The following CLCN1 variants were observed in gnomAD, a reference collection of about 807,000 sequenced individuals.
CLCN1 encodes the protein chloride channel protein 1.
Under a neutral mutation model 114.5 loss-of-function variants are expected in CLCN1, and 100 were observed. The observed-to-expected ratio is 0.87, with a 90% CI of 0.74 to 1.03. CLCN1 has a LOEUF of 1.03. CLCN1 is among the 50% of genes least tolerant of loss of function. CLCN1 has a pLI of 0.00. For missense variants in CLCN1, 1,188 were observed against 1,250.0 expected, an observed-to-expected ratio of 0.95 and a Z score of 0.75; for synonymous variants, 485 against 487.1, an observed-to-expected ratio of 1.00 and a Z score of 0.06.
At chr7:143,317,317 T>C (rs1802314867) in intron 1 of CLCN1, among the ~76,000 whole-genome samples, 1 of 150,782 alleles carries the variant, frequency 6.6e-6, no homozygotes, top group African/African-American at 2.4e-5. Context: ...GGTGCTATCT[T>C]GGCTCACTGC....
Position 143,332,762 on chromosome 7 carries a change from C to A in CLCN1, c.1290C>A (p.Asn430Lys). ...AAGCCATCAGTACTTTGTTTGACAA[C>A]AATACATGGGTGAAACACGCGGGTG... is the stretch of plus-strand genomic sequence containing the variant. ...PREAISTLFD[N>K]NTWVKHAGDP... Residue 430 changes from asparagine (N) to lysine (K), a missense_variant, in exon 12 of 23, where the codon AAC becomes AAA. By Grantham distance (94) the Asn-to-Lys change is moderately conservative (BLOSUM62 0). Transcript: ENST00000343257. 1 of 1,614,224 alleles carries A rather than the reference C, an allele frequency of 6.2e-7. No individual in the cohort carries two copies. Among genetic ancestry groups the A allele is most frequent in the Non-Finnish European group, 8.5e-7 (1 of 1,180,034 alleles).
chr7:143,342,225 G>A (rs780674143), intron 15 of CLCN1, 83 bp downstream of exon 15: 75 of 1,511,292 alleles, frequency 5.0e-5, no homozygotes, highest in Non-Finnish European at 6.8e-5. Flanking sequence ...TAGAGTTAAA[G>A]TTTGGAAACA....
chr7:143,341,967 T>C lies in CLCN1; in HGVS notation c.1621T>C (p.Ser541Pro). The change falls in exon 15 of 23, where the codon TCC becomes CCC. Residue 541 changes from serine to proline, a missense_variant. By Grantham distance (74) the Ser-to-Pro change is moderately conservative. Transcript: ENST00000343257. ...ALTGAVSHTV[S>P]TAVICFELTG... ...GACTGGTGCCGTTTCCCACACAGTCTCCACAGCTGTGATTTGCTTCGAATT... is the reference window on the plus strand; with the variant it reads ...GACTGGTGCCGTTTCCCACACAGTCCCCACAGCTGTGATTTGCTTCGAATT... 1 of 1,614,094 alleles carries C rather than the reference T, an allele frequency of 6.2e-7. No individual in the cohort carries two copies. Among genetic ancestry groups the C allele is most frequent in the African/African-American group, 1.3e-5 (1 of 75,060 alleles).
At chr7:143,347,620 CAAAA>C (rs57147641) in intron 20 of CLCN1, among the ~76,000 whole-genome samples, 6 of 94,948 alleles carry the variant, frequency 6.3e-5, no homozygotes, top group South Asian at 4.1e-4. Flanking sequence ...GACTTTGCCT[CAAAA>C]AAAAAAAAAA....
chr7:143,346,506 A>T, intron 18 of CLCN1, 73 bp from the exon 19 acceptor site: 2 of 1,097,700 alleles, frequency 1.8e-6, no homozygotes, highest in African/African-American at 1.5e-5. Context: ...GGCAAATGTT[A>T]GGCACTGGGT....
chr7:143,343,576 C>A (rs903842553), intron 16 of CLCN1, among the ~76,000 whole-genome samples: 1 of 152,206 alleles, frequency 6.6e-6, no homozygotes, highest in Non-Finnish European at 1.5e-5. Flanking sequence ...AATAGGGAAT[C>A]CATGAATAAT....
intron 20 of CLCN1, among the ~76,000 whole-genome samples, chr7:143,348,376 A>G (rs1386562907): frequency 6.6e-6 from 1 of 152,128 alleles, no homozygotes; most frequent in East Asian, 1.9e-4. Context: ...CTTTTTTTTA[A>G]TTTAATGCAC....
At chr7:143,331,688 C>G (rs1339721020) in intron 10 of CLCN1, 36 bp downstream of exon 10, 7 of 1,443,836 alleles carry the variant, frequency 4.8e-6, no homozygotes, top group Non-Finnish European at 6.8e-6. Context: ...TACCCATTTA[C>G]TTTCTGGTTT....
At position 143,316,234 on chromosome 7, in the gene CLCN1, C is replaced by G; in HGVS notation, c.22C>G (p.Gln8Glu). 6.2e-7 allele frequency: 1 copy of G among 1,613,462 alleles called. No individual in the cohort carries two copies. Among genetic ancestry groups the G allele is most frequent in the Non-Finnish European group, 8.5e-7 (1 of 1,179,650 alleles). The change falls in exon 1 of 23, where the codon CAG (glutamine) becomes GAG (glutamate). Residue 8 changes from glutamine to glutamate, a missense_variant. Gln to Glu is a conservative substitution (Grantham distance 29). Coordinates refer to ENST00000343257, the MANE Select transcript of CLCN1 (RefSeq NM_000083.3). MEQSRSQ[Q>E]RGGEQSWWGS... ...GAATATGGAGCAATCCCGGTCACAG[C>G]AGCGTGGGGGTGAACAAAGCTGGTG... is the stretch of plus-strand genomic sequence containing the variant.
intron 7 of CLCN1, among the ~76,000 whole-genome samples, chr7:143,329,632 G>A (rs540704485): frequency 2.6e-5 from 4 of 152,290 alleles, no homozygotes; most frequent in Non-Finnish European, 4.4e-5. Context: ...ACTAGGATGC[G>A]AGGTGCTGCC....
At chr7:143,347,785 T>C (rs1803296402) in intron 20 of CLCN1, among the ~76,000 whole-genome samples, 1 of 152,118 alleles carries the variant, frequency 6.6e-6, no homozygotes, top group African/African-American at 2.4e-5. Flanking sequence ...CGGTGCCTCC[T>C]GGGGACAAAC....
intron 7 of CLCN1, among the ~76,000 whole-genome samples, chr7:143,328,623 A>G (rs1272169732): frequency 6.6e-6 from 1 of 152,214 alleles, no homozygotes; most frequent in Non-Finnish European, 1.5e-5. Flanking sequence ...GTTTACACCC[A>G]GGCAAATCAA....
intron 7 of CLCN1, among the ~76,000 whole-genome samples, chr7:143,328,331 A>T (rs2116848565): frequency 6.6e-6 from 1 of 152,272 alleles, no homozygotes; most frequent in East Asian, 1.9e-4. Context: ...GGGCAGAGGG[A>T]CAGGAGCAGC....
At chr7:143,318,669 G>A (rs1048927516) in intron 1 of CLCN1, among the ~76,000 whole-genome samples, 2 of 152,204 alleles carry the variant, frequency 1.3e-5, no homozygotes, top group African/African-American at 4.8e-5. Flanking sequence ...CCCAGCCCAG[G>A]TATGATGATA....
In CLCN1 at chr7:143,346,676, TG is replaced by T. The variant is rs1803258381; in HGVS notation, c.2364+22del. The T allele has an allele frequency of 6.2e-7, 1 of 1,601,606 alleles. No individual in the cohort carries two copies. The highest frequency in any genetic ancestry group is 8.5e-7 in the Non-Finnish European group (1 of 1,169,674). On this transcript the variant is annotated intron_variant, in intron 19 of 22. Transcript: ENST00000343257. ...CAACCCAGGTGAGAGGAGATGTGTT[TG>T]GGGATACAGGGGAAAGGGAGCCTGC...
intron 12 of CLCN1, among the ~76,000 whole-genome samples, chr7:143,338,718 C>T (rs992907510): frequency 6.9e-5 from 10 of 143,886 alleles, no homozygotes; most frequent in African/African-American, 1.6e-4. Context: ...ACTTCAGAGG[C>T]GGAGGTTGCA....
At chr7:143,326,132 TCA>T (rs1802569221) in intron 7 of CLCN1, among the ~76,000 whole-genome samples, 1 of 152,100 alleles carries the variant, frequency 6.6e-6, no homozygotes, top group Admixed American at 6.5e-5. Flanking sequence ...TTCTCATGCC[TCA>T]GTCTCCCAAG....
At chr7:143,351,309 T>TG (rs1201574895) in intron 22 of CLCN1, among the ~76,000 whole-genome samples, 2 of 151,832 alleles carry the variant, frequency 1.3e-5, no homozygotes, top group Non-Finnish European at 2.9e-5. Context: ...AAAAAGGCAG[T>TG]GGGGGGATGT....
At chr7:143,335,226 T>C (rs973516662) in intron 12 of CLCN1, among the ~76,000 whole-genome samples, 2 of 152,178 alleles carry the variant, frequency 1.3e-5, no homozygotes, top group Admixed American at 6.6e-5. Context: ...AAATTCAAGC[T>C]TATTTTGAGA....
Sources: gnomAD v4.1 joint callset for allele counts (sites outside exome capture counted in the v4.1 genomes callset) on GRCh38, gnomAD v4.1.1 for gene constraint, MANE v1.5 for transcripts, NCBI Gene and HGNC (gene_info 2026-07-23, HGNC 2026-07-21) for gene names.